The following SOX5 variants were observed in gnomAD, a reference collection of about 807,000 sequenced individuals.
The protein encoded by SOX5 is SRY-box transcription factor 5, also known as transcription factor SOX-5.
SOX5 carries 9 observed loss-of-function variants against 92.0 expected under a neutral mutation model. The observed-to-expected ratio is 0.10, with a 90% CI of 0.06 to 0.17. The LOEUF is 0.17. Among genes scored for constraint, SOX5 ranks in the 10% least tolerant of loss-of-function variants. The pLI is 1.00. For missense variants in SOX5, 642 were observed against 944.5 expected, an observed-to-expected ratio of 0.68 and a Z score of 4.20; for synonymous variants, 344 against 336.3, an observed-to-expected ratio of 1.02 and a Z score of -0.25.
chr12:24,250,093 A>G lies in SOX5; in HGVS notation c.-77+27123T>C, dbSNP rs374790111. ...AATAGTTATATCACAAAGATGTAAG[A>G]TTCTAGAAATCCATCTAAACTGCGT... On this transcript the variant is annotated intron_variant, in intron 3 of 4. Transcript: ENST00000446891. Among the ~76,000 whole-genome samples, 3 of 152,230 alleles carry G rather than the reference A, an allele frequency of 2.0e-5. No homozygotes were observed. The East Asian group carries it at 5.8e-4, about 29-fold the overall frequency.
intron 1 of SOX5, among the ~76,000 whole-genome samples, chr12:23,939,777 G>A (rs1943271107): frequency 6.7e-6 from 1 of 149,808 alleles, no homozygotes; most frequent in Non-Finnish European, 1.5e-5. Flanking sequence ...ATTGCTTTTT[G>A]CTCTACTCCC....
At chr12:24,142,994 C>T (rs552384785) in intron 4 of SOX5, among the ~76,000 whole-genome samples, 4 of 152,154 alleles carry the variant, frequency 2.6e-5, no homozygotes, top group African/African-American at 7.2e-5. Context: ...TTAGAGGAAA[C>T]AGTAACTGGG....
chr12:23,599,511 C>G (rs1397829499), intron 9 of SOX5, among the ~76,000 whole-genome samples: 1 of 152,138 alleles, frequency 6.6e-6, no homozygotes, highest in Non-Finnish European at 1.5e-5. Flanking sequence ...AGAAAAGCAC[C>G]CAGGAATTCT....
At chr12:23,942,071 A>G (rs1943756542) in intron 1 of SOX5, among the ~76,000 whole-genome samples, 1 of 151,740 alleles carries the variant, frequency 6.6e-6, no homozygotes, top group South Asian at 2.1e-4. Context: ...AACAAATAAT[A>G]CTTTAACTTT....
intron 4 of SOX5, among the ~76,000 whole-genome samples, chr12:23,991,987 A>G (rs1950601047): frequency 6.6e-6 from 1 of 152,174 alleles, no homozygotes; most frequent in Non-Finnish European, 1.5e-5. Flanking sequence ...GCAGCTTTCC[A>G]AAAATTGCAT....
chr12:23,886,344 T>C (rs1469931534), intron 2 of SOX5, among the ~76,000 whole-genome samples: 1 of 152,204 alleles, frequency 6.6e-6, no homozygotes, highest in African/African-American at 2.4e-5. Context: ...GGTTGTATTT[T>C]TTAAATAGGT....
intron 1 of SOX5, among the ~76,000 whole-genome samples, chr12:23,908,592 C>A (rs970509354): frequency 6.6e-6 from 1 of 151,530 alleles, no homozygotes; most frequent in Non-Finnish European, 1.5e-5. Flanking sequence ...GTGCACAAAT[C>A]TTTTCTCAAA....
At chr12:23,973,934 C>T (rs547499742) in intron 4 of SOX5, among the ~76,000 whole-genome samples, 47 of 152,128 alleles carry the variant, frequency 3.1e-4, no homozygotes, top group Non-Finnish European at 6.0e-4. Context: ...TGAAACCATC[C>T]CCACTCCCTG....
chr12:23,844,104 T>G (rs906924418), intron 3 of SOX5, among the ~76,000 whole-genome samples: 1 of 152,212 alleles, frequency 6.6e-6, no homozygotes, highest in Admixed American at 6.5e-5. Flanking sequence ...TCAGAACACT[T>G]ATGTTGTTAG....
chr12:23,548,285 T>C (rs1943521041), intron 11 of SOX5, among the ~76,000 whole-genome samples: 1 of 152,070 alleles, frequency 6.6e-6, no homozygotes, highest in Non-Finnish European at 1.5e-5. Flanking sequence ...GCTCTACAGA[T>C]GCTGTGCTGT....
chr12:23,648,982 T>G (rs2081220206), intron 7 of SOX5, among the ~76,000 whole-genome samples: 2 of 152,166 alleles, frequency 1.3e-5, no homozygotes, highest in Non-Finnish European at 2.9e-5. Flanking sequence ...CTACGCTATT[T>G]CAATGATATT....
chr12:23,949,674 T>C, upstream of SOX5: 2 of 1,610,478 alleles, frequency 1.2e-6, no homozygotes, highest in South Asian at 1.1e-5. Flanking sequence ...GTCAAGTGAG[T>C]CCAAACCTTC....
At chr12:24,212,513 G>C (rs770987122) in intron 4 of SOX5, 13 of 531,250 alleles carry the variant, frequency 2.4e-5, no homozygotes, top group African/African-American at 2.3e-4. Flanking sequence ...TTACAAGGAA[G>C]GAAGGATTAC....
At chr12:23,690,416 G>A (rs191563678) in intron 6 of SOX5, among the ~76,000 whole-genome samples, 40 of 152,084 alleles carry the variant, frequency 2.6e-4, no homozygotes, top group Middle Eastern at 3.4e-3. Context: ...ACTCTTACAC[G>A]CCAGACATTG....
chr12:24,397,181 CT>C (rs1033985805), intron 1 of SOX5, among the ~76,000 whole-genome samples: 2 of 152,056 alleles, frequency 1.3e-5, no homozygotes, highest in Admixed American at 1.3e-4. Context: ...TGCTTTCATT[CT>C]TTTTCTTTTT....
intron 4 of SOX5, among the ~76,000 whole-genome samples, chr12:24,144,015 T>G (rs1950839195): frequency 6.6e-6 from 1 of 150,920 alleles, no homozygotes; most frequent in South Asian, 2.1e-4. Flanking sequence ...ATGAAGAAAA[T>G]TATAGCAAGT....
At chr12:24,432,437 A>G (rs1384759070) in intron 1 of SOX5, among the ~76,000 whole-genome samples, 1 of 152,194 alleles carries the variant, frequency 6.6e-6, no homozygotes, top group Non-Finnish European at 1.5e-5. Flanking sequence ...GGAGATGTAC[A>G]TTTATAGTAT....
intron 4 of SOX5, among the ~76,000 whole-genome samples, chr12:24,135,194 A>T (rs1593479428): frequency 6.6e-6 from 1 of 152,160 alleles, no homozygotes; most frequent in Admixed American, 6.5e-5. Flanking sequence ...TTGCTGCTAA[A>T]CCACCCTAGC....
At chr12:24,099,087 G>T (rs1168557689) in intron 4 of SOX5, among the ~76,000 whole-genome samples, 2 of 152,104 alleles carry the variant, frequency 1.3e-5, no homozygotes, top group Non-Finnish European at 2.9e-5. Context: ...TCTCTGGCTA[G>T]GGTCTTATTC....
Sources: gnomAD v4.1 joint callset for allele counts (sites outside exome capture counted in the v4.1 genomes callset) on GRCh38, gnomAD v4.1.1 for gene constraint, MANE v1.5 for transcripts, NCBI Gene and HGNC (gene_info 2026-07-23, HGNC 2026-07-21) for gene names.